PLEKHM3: variants seen among roughly 807,000 people sequenced by gnomAD.
PLEKHM3 encodes pleckstrin homology domain containing M3.
A neutral mutation model predicts 81.8 loss-of-function variants in PLEKHM3; 45 were observed. That is an observed-to-expected ratio of 0.55 (90% CI 0.43 to 0.71). The LOEUF (loss-of-function observed/expected upper bound fraction) is 0.71, where lower values mean the gene tolerates loss of function less well. Among genes scored for constraint, PLEKHM3 ranks in the 30% least tolerant of loss-of-function variants. The pLI, the probability that PLEKHM3 is intolerant of heterozygous loss-of-function variation, is 0.00. For synonymous variants in PLEKHM3, 352 were observed against 356.4 expected, an observed-to-expected ratio of 0.99 and a Z score of 0.14; for missense variants, 788 against 924.3, an observed-to-expected ratio of 0.85 and a Z score of 1.91.
At chr2:207,980,166 C>T (rs1334791028) in intron 2 of PLEKHM3, among the ~76,000 whole-genome samples, 2 of 152,160 alleles carry the variant, frequency 1.3e-5, no homozygotes, top group African/African-American at 4.8e-5. Flanking sequence ...AAAATAAAAA[C>T]CACCTCTCCT....
intron 2 of PLEKHM3, among the ~76,000 whole-genome samples, chr2:207,978,009 C>T (rs1691378972): frequency 6.6e-6 from 1 of 152,128 alleles, no homozygotes; most frequent in Non-Finnish European, 1.5e-5. Flanking sequence ...ATCACTTCAG[C>T]CTGGAGGTTG....
chr2:207,961,075 C>T (rs112833493), intron 3 of PLEKHM3, among the ~76,000 whole-genome samples: 18 of 152,310 alleles, frequency 1.2e-4, no homozygotes, highest in Admixed American at 3.9e-4. Context: ...AAGGCTGGCT[C>T]GGGGCCATAT....
At chr2:207,906,541 C>T (rs58058809) in intron 6 of PLEKHM3, among the ~76,000 whole-genome samples, 3,166 of 152,308 alleles carry the variant, frequency 0.021, 102 homozygotes, top group African/African-American at 0.072. Context: ...GTAATCCCAG[C>T]TCTTTGGGAG....
rs114554113 is a variant in PLEKHM3, at chr2:207,917,530, G to A, written c.1887-8953C>T. On this transcript the variant is annotated intron_variant, in intron 5 of 7. Coordinates refer to ENST00000427836, the MANE Select transcript of PLEKHM3 (RefSeq NM_001080475.3). ...CAGAGACATTGCAACTCCAGTCTGT[G>A]TAGATTGTGCTTTAAGAGTTAGGCT... Among the ~76,000 whole-genome samples, 241 of 152,270 alleles carry A rather than the reference G, an allele frequency of 1.6e-3. 2 individuals carry two copies. Among genetic ancestry groups the A allele is most frequent in the African/African-American group, 5.6e-3 (233 of 41,558 alleles).
chr2:207,939,403 G>C (rs940519010), intron 4 of PLEKHM3, among the ~76,000 whole-genome samples: 4 of 152,108 alleles, frequency 2.6e-5, no homozygotes, highest in Admixed American at 6.6e-5. Flanking sequence ...GAAACAGCAC[G>C]GTATGACAGG....
At chr2:207,855,763 A>G (rs2092434509) in intron 7 of PLEKHM3, among the ~76,000 whole-genome samples, 1 of 152,192 alleles carries the variant, frequency 6.6e-6, no homozygotes, top group South Asian at 2.1e-4. Flanking sequence ...TCTATAAAAT[A>G]CTGACCAGTA....
chr2:207,862,894 T>C (rs1021740151), intron 6 of PLEKHM3, among the ~76,000 whole-genome samples: 9 of 152,170 alleles, frequency 5.9e-5, no homozygotes, highest in East Asian at 1.9e-4. Flanking sequence ...TTCCATTCAA[T>C]TGCCAGACAG....
chr2:207,957,407 A>T (rs1321112021), intron 3 of PLEKHM3, among the ~76,000 whole-genome samples: 2 of 152,226 alleles, frequency 1.3e-5, no homozygotes, highest in African/African-American at 4.8e-5. Flanking sequence ...ATTATAAAAC[A>T]TTATGTGGTG....
At chr2:208,019,169 G>C (rs983285755) in intron 1 of PLEKHM3, among the ~76,000 whole-genome samples, 1 of 152,076 alleles carries the variant, frequency 6.6e-6, no homozygotes, top group Non-Finnish European at 1.5e-5. Context: ...AACCAGGCAT[G>C]GGGGCGTGAA....
chr2:207,923,847 A>G (rs1181992534), intron 5 of PLEKHM3, among the ~76,000 whole-genome samples: 1 of 68,508 alleles, frequency 1.5e-5, no homozygotes, highest in Non-Finnish European at 3.3e-5. Context: ...ACATACATAC[A>G]CACGCACGCA....
rs182061265 is a variant in PLEKHM3 at position 207,835,205 on chromosome 2, A to G, written c.2109-6709T>C. Among the ~76,000 whole-genome samples, 24 of 152,170 alleles carry G rather than the reference A, an allele frequency of 1.6e-4. No homozygotes were observed. In the East Asian group the frequency reaches 4.6e-3, roughly 29 times the overall value. ...TGATCCGCCCGCCTTGGCCTCCCAA[A>G]GTGCTGGGATTACAGGTGTGAGCCA... On this transcript the variant is annotated intron_variant, in intron 7 of 7. Transcript: ENST00000427836.
chr2:207,898,150 C>T (rs1435950357), intron 6 of PLEKHM3, among the ~76,000 whole-genome samples: 3 of 152,222 alleles, frequency 2.0e-5, no homozygotes, highest in Non-Finnish European at 4.4e-5. Flanking sequence ...GGAACAAAAG[C>T]AGGCATTCTC....
chr2:207,901,411 C>A (rs1304170541), intron 6 of PLEKHM3: 2 of 696,754 alleles, frequency 2.9e-6, no homozygotes, highest in Non-Finnish European at 5.2e-6. Flanking sequence ...CACCAAAACA[C>A]CAGAAAACTA....
intron 2 of PLEKHM3, among the ~76,000 whole-genome samples, chr2:207,983,183 C>T (rs1691598286): frequency 6.6e-6 from 1 of 151,974 alleles, no homozygotes; most frequent in Admixed American, 6.6e-5. Context: ...TCCCAAGTAG[C>T]TGGGACTACA....
At chr2:207,996,179 G>A (rs1692114331) in intron 2 of PLEKHM3, among the ~76,000 whole-genome samples, 1 of 152,198 alleles carries the variant, frequency 6.6e-6, no homozygotes. Context: ...CAGTCAGGGA[G>A]GGGAAAGTGA....
chr2:207,888,848 G>A lies in PLEKHM3; in HGVS notation c.1950+19666C>T, dbSNP rs138657506. 4.4e-3 allele frequency among the ~76,000 whole-genome samples: 673 copies of A among 152,302 alleles called. 3 individuals carry two copies. Among genetic ancestry groups the A allele is most frequent in the African/African-American group, 0.014 (599 of 41,558 alleles). ...TTAATACTTTAGGATACCAAAAAGAGCAGAATAAACTCAGGGGCAATGCTA... is the reference window on the plus strand; with the variant it reads ...TTAATACTTTAGGATACCAAAAAGAACAGAATAAACTCAGGGGCAATGCTA... On this transcript the variant is annotated intron_variant, in intron 6 of 7. Coordinates refer to ENST00000427836, the MANE Select transcript of PLEKHM3 (RefSeq NM_001080475.3).
chr2:207,943,313 T>C (rs902882313), intron 4 of PLEKHM3, among the ~76,000 whole-genome samples: 1 of 152,192 alleles, frequency 6.6e-6, no homozygotes, highest in African/African-American at 2.4e-5. Flanking sequence ...TTATTATGGA[T>C]CAATTTTAAA....
At chr2:207,858,180 A>ATATATATAT (rs751293954) in intron 7 of PLEKHM3, among the ~76,000 whole-genome samples, 1 of 103,846 alleles carries the variant, frequency 9.6e-6, no homozygotes, top group African/African-American at 3.7e-5. Context: ...GTGTGTATAT[A>ATATATATAT]TTTTTTTTTT....
intron 7 of PLEKHM3, among the ~76,000 whole-genome samples, chr2:207,845,774 G>A (rs929488822): frequency 2.0e-5 from 3 of 152,172 alleles, no homozygotes; most frequent in African/African-American, 7.2e-5. Flanking sequence ...ATTATTTATG[G>A]AGCAGTTACT....
Sources: allele counts gnomAD v4.1 joint callset (sites outside exome capture counted in the v4.1 genomes callset), GRCh38; gene constraint gnomAD v4.1.1; transcripts MANE v1.5; gene names NCBI Gene and HGNC (gene_info 2026-07-23, HGNC 2026-07-21).